The following CDH13 variants were observed in gnomAD, a reference collection of about 807,000 sequenced individuals.
CDH13 encodes cadherin 13.
CDH13 carries 24 observed loss-of-function variants against 63.8 expected under a neutral mutation model. The ratio of observed to expected loss-of-function variants is 0.38; its 90% CI spans 0.27 to 0.53. The LOEUF is 0.53. CDH13 is among the 20% of genes least tolerant of loss of function. The pLI is 0.85. For missense variants in CDH13, 1,049 were observed against 903.1 expected (o/e 1.16, Z -2.07); for synonymous variants, 503 against 355.3 (o/e 1.42, Z -4.67).
intron 2 of CDH13, among the ~76,000 whole-genome samples, chr16:83,018,953 C>G (rs940599294): frequency 6.6e-5 from 10 of 152,130 alleles, no homozygotes; most frequent in African/African-American, 2.4e-4. Flanking sequence ...GGAAGATGCT[C>G]TGGGTGAGTC....
At chr16:82,924,131 C>A (rs563227602) in intron 2 of CDH13, among the ~76,000 whole-genome samples, 1 of 152,188 alleles carries the variant, frequency 6.6e-6, no homozygotes, top group East Asian at 1.9e-4. Context: ...TTTCCTTTTC[C>A]CTGTTTCATA....
intron 6 of CDH13, among the ~76,000 whole-genome samples, chr16:83,363,797 GC>G (rs1375561020): frequency 2.6e-5 from 4 of 152,128 alleles, no homozygotes; most frequent in Non-Finnish European, 5.9e-5. Context: ...TGCTGAGTGG[GC>G]GTGCTCCTCC....
At chr16:82,993,419 A>G (rs1216249667) in intron 2 of CDH13, among the ~76,000 whole-genome samples, 1 of 152,150 alleles carries the variant, frequency 6.6e-6, no homozygotes, top group Non-Finnish European at 1.5e-5. Context: ...TTGAAAAAAA[A>G]CAAAGAATGG....
intron 1 of CDH13, among the ~76,000 whole-genome samples, chr16:82,693,684 C>A (rs546187209): frequency 6.6e-6 from 1 of 152,166 alleles, no homozygotes; most frequent in Non-Finnish European, 1.5e-5. Context: ...GTGCACCCTG[C>A]CACATGTTAA....
At chr16:83,789,353 C>T (rs456819) in intron 13 of CDH13, among the ~76,000 whole-genome samples, 118,528 of 137,950 alleles carry the variant, frequency 0.86, 51,132 homozygotes, top group African/African-American at 0.88. Flanking sequence ...TTTTGTTTGT[C>T]TGTTTTGTTT....
intron 4 of CDH13, among the ~76,000 whole-genome samples, chr16:83,186,618 C>T (rs754667958): frequency 6.6e-6 from 1 of 152,186 alleles, no homozygotes; most frequent in Admixed American, 6.5e-5. Context: ...TCTACCCCTT[C>T]TCTGCCCAAG....
intron 7 of CDH13, among the ~76,000 whole-genome samples, chr16:83,547,108 G>A (rs772889245): frequency 6.6e-6 from 1 of 152,286 alleles, no homozygotes; most frequent in Non-Finnish European, 1.5e-5. Flanking sequence ...CCAGGAGAAT[G>A]GTGGAGTATG....
At chr16:83,200,527 C>G (rs896471388) in intron 4 of CDH13, among the ~76,000 whole-genome samples, 8 of 152,186 alleles carry the variant, frequency 5.3e-5, no homozygotes, top group African/African-American at 1.9e-4. Flanking sequence ...CACGTAGCCT[C>G]TATCCATCCC....
At chr16:83,651,121 T>C (rs1438704865) in intron 8 of CDH13, among the ~76,000 whole-genome samples, 2 of 151,788 alleles carry the variant, frequency 1.3e-5, no homozygotes, top group African/African-American at 2.4e-5. Context: ...AAAATAAAAA[T>C]AGTTGATCAG....
At chr16:82,761,186 G>A (rs544093046) in intron 1 of CDH13, among the ~76,000 whole-genome samples, 1 of 151,556 alleles carries the variant, frequency 6.6e-6, no homozygotes, top group African/African-American at 2.4e-5. Context: ...ACCACACCTG[G>A]CCAATTTTTG....
chr16:82,921,211 G>A (rs2042143253), intron 2 of CDH13, among the ~76,000 whole-genome samples: 1 of 152,022 alleles, frequency 6.6e-6, no homozygotes, highest in African/African-American at 2.4e-5. Context: ...CAGTTCTGGA[G>A]CCCAGAAGTC....
chr16:82,697,778 TGTGTGTGTG>T (rs1357645261), intron 1 of CDH13, among the ~76,000 whole-genome samples: 80 of 107,122 alleles, frequency 7.5e-4, no homozygotes, highest in African/African-American at 2.1e-3. Flanking sequence ...TGTGTGTGTG[TGTGTGTGTG>T]TAAGTTTTTT....
At chr16:83,420,752 G>A (rs1017687492) in intron 6 of CDH13, among the ~76,000 whole-genome samples, 2 of 152,166 alleles carry the variant, frequency 1.3e-5, no homozygotes, top group East Asian at 1.9e-4. Flanking sequence ...GTCCGAATCC[G>A]AGAGCCCCAA....
At chr16:83,612,005 G>A (rs1417157025) in intron 8 of CDH13, among the ~76,000 whole-genome samples, 1 of 151,904 alleles carries the variant, frequency 6.6e-6, no homozygotes, top group Non-Finnish European at 1.5e-5. Flanking sequence ...GTTTAGTATC[G>A]TGATCTATAT....
intron 6 of CDH13, among the ~76,000 whole-genome samples, chr16:83,457,262 C>T (rs1387466164): frequency 3.9e-5 from 6 of 152,164 alleles, no homozygotes; most frequent in East Asian, 1.9e-4. Context: ...ACACTCAGCA[C>T]GTGCCTGGGC....
At chr16:83,269,946 G>T (rs1436804313) in intron 5 of CDH13, among the ~76,000 whole-genome samples, 2 of 152,168 alleles carry the variant, frequency 1.3e-5, no homozygotes, top group African/African-American at 4.8e-5. Flanking sequence ...TAGATTTACT[G>T]AGTCTTTTGA....
At chr16:82,807,056 C>G (rs1033794942) in intron 1 of CDH13, among the ~76,000 whole-genome samples, 2 of 148,910 alleles carry the variant, frequency 1.3e-5, no homozygotes, top group Non-Finnish European at 3.0e-5. Flanking sequence ...CTTCTAGTTT[C>G]TAAGTATAAG....
At chr16:82,630,231 C>T (rs1455063111) in intron 1 of CDH13, among the ~76,000 whole-genome samples, 8 of 152,252 alleles carry the variant, frequency 5.3e-5, no homozygotes, top group African/African-American at 1.9e-4. Context: ...TGCCCCCTCC[C>T]CCCCTAGGGT....
chr16:83,163,496 CT>C (rs1193068353), intron 4 of CDH13, among the ~76,000 whole-genome samples: 1 of 152,128 alleles, frequency 6.6e-6, no homozygotes, highest in African/African-American at 2.4e-5. Context: ...GTTTTGTTGT[CT>C]TTGCCATCAG....
Sources: allele counts gnomAD v4.1 joint callset (sites outside exome capture counted in the v4.1 genomes callset), GRCh38; gene constraint gnomAD v4.1.1; transcripts MANE v1.5; gene names NCBI Gene and HGNC (gene_info 2026-07-23, HGNC 2026-07-21).